PFN2: variants seen among roughly 807,000 people sequenced by gnomAD.
The protein encoded by PFN2 is profilin-2.
In PFN2, 8 loss-of-function variants were observed where a neutral mutation model predicts 15.3. The ratio of observed to expected loss-of-function variants is 0.52; its 90% CI spans 0.31 to 0.95. PFN2 has a LOEUF of 0.95. PFN2 is among the 40% of genes least tolerant of loss of function. The pLI, the probability that PFN2 is intolerant of heterozygous loss-of-function variation, is 0.05. For missense variants in PFN2, 111 were observed against 182.3 expected, an observed-to-expected ratio of 0.61 and a Z score of 2.25; for synonymous variants, 79 against 67.9, an observed-to-expected ratio of 1.16 and a Z score of -0.81.
Position 149,966,308 on chromosome 3 carries a change from T to C in PFN2, c.*181A>G, listed in dbSNP as rs1415789373. ...CAAAACAAAAGTGAACAGAATTATT[T>C]TGGGGGGGGAGGGCAGAAAGAAAGA... On this transcript the variant is annotated 3_prime_UTR_variant, in exon 3 of 3. Coordinates refer to ENST00000239940, the MANE Select transcript of PFN2 (RefSeq NM_053024.4). The C allele has an allele frequency of 6.8e-6, 11 of 1,607,686 alleles. No individual in the cohort carries two copies. Among genetic ancestry groups the C allele is most frequent in the South Asian group, 1.1e-5 (1 of 89,866 alleles).
intron 1 of PFN2, among the ~76,000 whole-genome samples, chr3:149,969,456 C>G (rs1722785347): frequency 6.6e-6 from 1 of 152,190 alleles, no homozygotes; most frequent in Non-Finnish European, 1.5e-5. Context: ...AACTCACACA[C>G]AAAGACAAGA....
intron 1 of PFN2, among the ~76,000 whole-genome samples, chr3:149,969,531 G>A (rs1559987062): frequency 6.6e-6 from 1 of 152,188 alleles, no homozygotes; most frequent in Non-Finnish European, 1.5e-5. Context: ...TCCACTGCGG[G>A]TATACGAGAC....
Position 149,966,569 on chromosome 3 carries a change from C to G in PFN2, c.343G>C (p.Gly115Arg). 6.2e-7 allele frequency: 1 copy of G among 1,611,844 alleles called. No individual in the cohort carries two copies. Among genetic ancestry groups the G allele is most frequent in the Non-Finnish European group, 8.5e-7 (1 of 1,178,098 alleles). The stretch of plus-strand genomic sequence containing the variant: ...CCGCCTCCATGGACCCCTTCTTTTC[C>G]CATTACAAAGACCAAGACTGAAAGA... ...RAGRVLVFVM[G>R]KEGVHGGGLN... is the part of the protein sequence containing the mutation. The change falls in exon 3 of 3, where the codon GGA becomes CGA. Residue 115 changes from glycine to arginine, a missense_variant. Physicochemically the swap from Gly to Arg is moderately radical, Grantham distance 125. Transcript: ENST00000239940.
chr3:149,968,608 C>T, intron 1 of PFN2, 58 bp from the exon 2 acceptor site: 1 of 1,447,724 alleles, frequency 6.9e-7, no homozygotes, highest in Non-Finnish European at 9.5e-7. Flanking sequence ...GTAGTTAACT[C>T]CTTTTAGGGC....
chr3:149,965,770 T>C lies in PFN2; in HGVS notation c.*719A>G, dbSNP rs1186464905. ...TGCATGCACTTTTTCCTCCCAACCATGCGCTACAAAAGGAAGACTAAATGA... is the reference window on the plus strand; with the variant it reads ...TGCATGCACTTTTTCCTCCCAACCACGCGCTACAAAAGGAAGACTAAATGA... On this transcript the variant is annotated 3_prime_UTR_variant, in exon 3 of 3. Transcript: ENST00000239940. 9.5e-7 allele frequency: 1 copy of C among 1,049,332 alleles called. No homozygotes were observed. The highest frequency in any genetic ancestry group is 1.1e-6 in the Non-Finnish European group (1 of 870,994). 65.0% of individuals were successfully genotyped at this position (1,049,332 alleles called of 1,614,324 possible). A position where few individuals can be genotyped will look rare whatever the true frequency, so the allele number is the denominator to read the frequency against.
chr3:149,967,915 C>A (rs1345962382), intron 2 of PFN2, among the ~76,000 whole-genome samples: 2 of 152,010 alleles, frequency 1.3e-5, no homozygotes, highest in African/African-American at 4.8e-5. Flanking sequence ...GAAAAATGAA[C>A]GGATGTTAAT....
At chr3:149,966,670 A>G (rs1722699829) in intron 2 of PFN2, 84 bp from the exon 3 acceptor site, 3 of 988,284 alleles carry the variant, frequency 3.0e-6, no homozygotes, top group African/African-American at 1.6e-5. Context: ...ACCCGGATTA[A>G]TAAGTTAACA....
At position 149,968,215 on chromosome 3, in the gene PFN2, A is replaced by G. The variant is rs557305606; in HGVS notation, c.325+143T>C. ...GCTGTAGAGTAGGTAAAACTAAAGCAGTGCTTCTCCATAGTGCTGGGCAGT... is the reference window on the plus strand; with the variant it reads ...GCTGTAGAGTAGGTAAAACTAAAGCGGTGCTTCTCCATAGTGCTGGGCAGT... On this transcript the variant is annotated intron_variant, in intron 2 of 2. Coordinates refer to ENST00000239940, the MANE Select transcript of PFN2 (RefSeq NM_053024.4). The G allele has an allele frequency of 1.4e-4, 95 of 666,804 alleles. No individual in the cohort carries two copies. In the Middle Eastern group the frequency reaches 1.7e-3, roughly 12 times the overall value. The allele number at this position is 666,804 out of a possible 1,614,324, so 41.3% of individuals were successfully genotyped here. A position where few individuals can be genotyped will look rare whatever the true frequency, so the allele number is the denominator to read the frequency against.
At chr3:149,968,612 T>C (rs1160858388) in intron 1 of PFN2, 62 bp from the exon 2 acceptor site, 8 of 1,433,788 alleles carry the variant, frequency 5.6e-6, no homozygotes, top group South Asian at 1.3e-5. Context: ...TTAACTCCTT[T>C]TAGGGCTTGA....
Position 149,968,422 on chromosome 3 carries a change from G to A in PFN2, c.261C>T (p.Asp87=). ...SLYVDGDCTM[D]IRTKSQGGEP... is the part of the protein sequence containing the mutation. ...CCCCACCTTGACTCTTTGTCCGGATGTCCATTGTGCAGTCACCATCGACGT... is the reference window on the plus strand; with the variant it reads ...CCCCACCTTGACTCTTTGTCCGGATATCCATTGTGCAGTCACCATCGACGT... The change falls in exon 2 of 3, where the codon GAC becomes GAT. Residue 87 remains aspartate, a synonymous_variant. Transcript: ENST00000239940. 1 of 1,614,126 alleles carries A rather than the reference G, an allele frequency of 6.2e-7. No individual in the cohort carries two copies. The highest frequency in any genetic ancestry group is 8.5e-7 in the Non-Finnish European group (1 of 1,180,026).
chr3:149,965,472 T>C lies in PFN2; in HGVS notation c.*1017A>G. 7.0e-7 allele frequency: 1 copy of C among 1,433,388 alleles called. No individual in the cohort carries two copies. The highest frequency in any genetic ancestry group is 9.1e-7 in the Non-Finnish European group (1 of 1,101,590). 88.8% of individuals were successfully genotyped at this position (1,433,388 alleles called of 1,614,324 possible). On this transcript the variant is annotated 3_prime_UTR_variant, in exon 3 of 3. Transcript: ENST00000239940. Reference sequence around the variant, plus strand: ...GTCCCTGGGGATTCAATCAGTATGGTTACTGTAAGGTCATGGGAGGAAGTG... The same window carrying C: ...GTCCCTGGGGATTCAATCAGTATGGCTACTGTAAGGTCATGGGAGGAAGTG...
At chr3:149,968,289 T>C (rs2305855) in intron 2 of PFN2, 69 bp downstream of exon 2, 569,388 of 1,411,646 alleles carry the variant, frequency 0.4, 120,908 homozygotes, top group East Asian at 0.65. Context: ...TTATTCAAAA[T>C]GTTAAAAGAA....
In PFN2 at chr3:149,966,322, CAGAA is replaced by C. The variant is rs1046277176; in HGVS notation, c.*163_*166del. Reference sequence around the variant, plus strand: ...ACAGAATTATTTTGGGGGGGGAGGGCAGAAAGAAAGACACCTTTCCCCACCAACA... The same window carrying C: ...ACAGAATTATTTTGGGGGGGGAGGGCAGAAAGACACCTTTCCCCACCAACA... On this transcript the variant is annotated 3_prime_UTR_variant, in exon 3 of 3. Coordinates refer to ENST00000239940, the MANE Select transcript of PFN2 (RefSeq NM_053024.4). 32 of 1,601,998 alleles carry C rather than the reference CAGAA, an allele frequency of 2.0e-5. No individual in the cohort carries two copies. Among genetic ancestry groups the C allele is most frequent in the East Asian group, 4.5e-5 (2 of 44,794 alleles).
rs1722845508 is a variant in PFN2, at chr3:149,970,865, C to G, written c.-9G>C. The G allele has an allele frequency of 7.0e-7, 1 of 1,437,676 alleles. No individual in the cohort carries two copies. The highest frequency in any genetic ancestry group is 2.4e-5 in the Admixed American group (1 of 41,088). The allele number at this position is 1,437,676 out of a possible 1,614,324, so 89.1% of individuals were successfully genotyped here. A position where few individuals can be genotyped will look rare whatever the true frequency, so the allele number is the denominator to read the frequency against. On this transcript the variant is annotated 5_prime_UTR_variant, in exon 1 of 3. Transcript: ENST00000239940. The stretch of plus-strand genomic sequence containing the variant: ...CTCTGCCAACCGGCCATCTTCGAGC[C>G]CTTCGCACTGCAGCGCGGACGGCGA...
chr3:149,970,637 GTGTT>G, intron 1 of PFN2, 84 bp downstream of exon 1: 1 of 1,315,932 alleles, frequency 7.6e-7, no homozygotes, highest in Non-Finnish European at 1.0e-6. Flanking sequence ...TCGGCCCTCA[GTGTT>G]CCAGCCCCGC....
chr3:149,966,358 T>C lies in PFN2; in HGVS notation c.*131A>G. 4 of 1,590,476 alleles carry C rather than the reference T, an allele frequency of 2.5e-6. No homozygotes were observed. In the South Asian group the frequency reaches 3.5e-5, roughly 14 times the overall value. ...ACACCTTTCCCCACCAACAGAGGGA[T>C]ACAAAGGAGACACAGGTTCATACCC... On this transcript the variant is annotated 3_prime_UTR_variant, in exon 3 of 3. Transcript: ENST00000239940.
At position 149,965,358 on chromosome 3, in the gene PFN2, T is replaced by C. The variant is rs750443397; in HGVS notation, c.*1131A>G. The C allele has an allele frequency of 8.0e-6, 12 of 1,495,396 alleles. No individual in the cohort carries two copies. In the African/African-American group the frequency reaches 9.9e-5, roughly 12 times the overall value. 92.6% of individuals were successfully genotyped at this position (1,495,396 alleles called of 1,614,324 possible). A position where few individuals can be genotyped will look rare whatever the true frequency, so the allele number is the denominator to read the frequency against. ...GTTATGTTGGGATACCTAATGTCCA[T>C]AATGGCAGCCTTTTACAATTTTACT... On this transcript the variant is annotated 3_prime_UTR_variant, in exon 3 of 3. Coordinates refer to ENST00000239940, the MANE Select transcript of PFN2 (RefSeq NM_053024.4).
Position 149,970,864 on chromosome 3 carries a change from C to G in PFN2, c.-8G>C, listed in dbSNP as rs1722845444. On this transcript the variant is annotated 5_prime_UTR_variant, in exon 1 of 3. Coordinates refer to ENST00000239940, the MANE Select transcript of PFN2 (RefSeq NM_053024.4). ...GCTCTGCCAACCGGCCATCTTCGAG[C>G]CCTTCGCACTGCAGCGCGGACGGCG... 8 of 1,440,874 alleles carry G rather than the reference C, an allele frequency of 5.6e-6. No individual in the cohort carries two copies. The highest frequency in any genetic ancestry group is 1.5e-5 in the African/African-American group (1 of 67,594). 89.3% of individuals were successfully genotyped at this position (1,440,874 alleles called of 1,614,324 possible).
At position 149,966,306 on chromosome 3, in the gene PFN2, T is replaced by C; in HGVS notation, c.*183A>G. 22 of 1,607,778 alleles carry C rather than the reference T, an allele frequency of 1.4e-5. No individual in the cohort carries two copies. The highest frequency in any genetic ancestry group is 1.9e-5 in the Non-Finnish European group (22 of 1,177,418). ...AACAAAACAAAAGTGAACAGAATTA[T>C]TTTGGGGGGGGAGGGCAGAAAGAAA... is the stretch of plus-strand genomic sequence containing the variant. On this transcript the variant is annotated 3_prime_UTR_variant, in exon 3 of 3. Coordinates refer to ENST00000239940, the MANE Select transcript of PFN2 (RefSeq NM_053024.4).
Sources: allele counts gnomAD v4.1 joint callset (sites outside exome capture counted in the v4.1 genomes callset), GRCh38; gene constraint gnomAD v4.1.1; transcripts MANE v1.5; gene names NCBI Gene and HGNC (gene_info 2026-07-23, HGNC 2026-07-21).